Variants in SARDH observed in about 807,000 individuals in gnomAD.
SARDH encodes sarcosine dehydrogenase, mitochondrial.
In SARDH, 95 loss-of-function variants were observed where a neutral mutation model predicts 109.1. That is an observed-to-expected ratio of 0.87 (90% CI 0.74 to 1.03). SARDH has a LOEUF of 1.03. Ranked by LOEUF, SARDH falls within the 50% of genes least tolerant of loss-of-function variation. The pLI is 0.00. For synonymous variants in SARDH, 572 were observed against 534.8 expected (o/e 1.07, Z -0.96); for missense variants, 1,267 against 1,287.8 (o/e 0.98, Z 0.25).
downstream of SARDH, among the ~76,000 whole-genome samples, chr9:133,660,251 C>T (rs577153884): frequency 2.0e-5 from 3 of 152,204 alleles, no homozygotes; most frequent in South Asian, 2.1e-4. Flanking sequence ...GTGGCAATCT[C>T]GTGAAGCCAT....
At chr9:133,664,406 G>A (rs1400335464) in intron 20 of SARDH, among the ~76,000 whole-genome samples, 1 of 152,238 alleles carries the variant, frequency 6.6e-6, no homozygotes, top group Non-Finnish European at 1.5e-5. Context: ...AATCCCTCGG[G>A]GCAGGGGCGG....
In SARDH at chr9:133,709,032, A is replaced by G. The variant is rs1831813299; in HGVS notation, c.1329-604T>C. Among the ~76,000 whole-genome samples, 3 of 152,178 alleles carry G rather than the reference A, an allele frequency of 2.0e-5. No homozygotes were observed. Among genetic ancestry groups the G allele is most frequent in the Admixed American group, 1.3e-4 (2 of 15,282 alleles). ...GTCTGTGGGTCAGACCAGGGACCCA[A>G]GAGGTACAGAGTCTCTGGGGGAAAA... On this transcript the variant is annotated intron_variant, in intron 10 of 20. Coordinates refer to ENST00000439388, the MANE Select transcript of SARDH (RefSeq NM_001134707.2). This position sits in a 1 kb window ranked among gnomAD's most constrained non-coding sequence, Gnocchi z 4.2.
At chr9:133,665,817 G>C (rs898750653) in intron 20 of SARDH, among the ~76,000 whole-genome samples, 4 of 152,276 alleles carry the variant, frequency 2.6e-5, no homozygotes, top group Admixed American at 1.3e-4. Context: ...CCAAGTGCTC[G>C]CTCCCTCCCC....
chr9:133,676,545 G>A (rs1166122262), intron 17 of SARDH, among the ~76,000 whole-genome samples: 2 of 152,164 alleles, frequency 1.3e-5, no homozygotes, highest in Admixed American at 6.5e-5. Context: ...CTAAGTGACC[G>A]GCACTTTCTC....
intron 17 of SARDH, among the ~76,000 whole-genome samples, chr9:133,673,019 C>A (rs1830401043): frequency 6.6e-6 from 1 of 152,220 alleles, no homozygotes; most frequent in African/African-American, 2.4e-5. Flanking sequence ...ACGGTGGGAA[C>A]ACGGTCAGTA....
chr9:133,706,429 A>G lies in SARDH; in HGVS notation c.1471-1398T>C, dbSNP rs144218228. Among the ~76,000 whole-genome samples, 1,460 of 152,288 alleles carry G rather than the reference A, an allele frequency of 9.6e-3. 23 individuals carry two copies. The highest frequency in any genetic ancestry group is 0.033 in the African/African-American group (1,358 of 41,538). On this transcript the variant is annotated intron_variant, in intron 11 of 20. Coordinates refer to ENST00000439388, the MANE Select transcript of SARDH (RefSeq NM_001134707.2). ...AAATCCATAGAGACCGAAACAGCTT[A>G]GTGGTTGCCAAGGCTGGTGGGAGGA...
chr9:133,678,937 G>A (rs1391805965), intron 17 of SARDH, among the ~76,000 whole-genome samples: 2 of 152,168 alleles, frequency 1.3e-5, no homozygotes, highest in Non-Finnish European at 2.9e-5. Context: ...CCTTACAAGG[G>A]CAAGATGAGA....
chr9:133,729,353 A>G (rs1181122224), intron 6 of SARDH, among the ~76,000 whole-genome samples: 1 of 152,048 alleles, frequency 6.6e-6, no homozygotes, highest in Non-Finnish European at 1.5e-5. Context: ...GCTCTCAGGG[A>G]GGTTATTCAT....
intron 6 of SARDH, among the ~76,000 whole-genome samples, chr9:133,726,395 T>TAATAATAATAATAATAATAATAATAAC: frequency 1.9e-5 from 1 of 53,138 alleles, no homozygotes; most frequent in Middle Eastern, 0.011. Context: ...ATAATAATAA[T>TAATAATAATAATAATAATAATAATAAC]AGTAGTAGTA....
chr9:133,713,083 G>A lies in SARDH; in HGVS notation c.1192C>T (p.Pro398Ser), dbSNP rs1157385070. The A allele has an allele frequency of 3.1e-6, 5 of 1,613,324 alleles. No individual in the cohort carries two copies. In the African/African-American group the frequency reaches 5.3e-5, roughly 17 times the overall value. ...PDHKPLMGEAPELRGFFLGCG... is the reference protein window; with the variant it reads ...PDHKPLMGEASELRGFFLGCG... Reference sequence around the variant, plus strand: ...CCCAGGAAGAACCCTCGGAGCTCAGGTGCCTCCCCCATCAGGGGCTTGTGG... The same window carrying A: ...CCCAGGAAGAACCCTCGGAGCTCAGATGCCTCCCCCATCAGGGGCTTGTGG... Residue 398 changes from proline (P) to serine (S), a missense_variant, in exon 9 of 21, where the codon CCT becomes TCT. Physicochemically the swap from Pro to Ser is moderately conservative, Grantham distance 74 (BLOSUM62 -1). Transcript: ENST00000439388.
At chr9:133,717,606 G>C (rs547633523) in intron 7 of SARDH, 151 bp from the exon 8 acceptor site, 6 of 1,194,188 alleles carry the variant, frequency 5.0e-6, no homozygotes, top group Admixed American at 4.8e-5. Context: ...CCAGCCGTTT[G>C]TCTCCCCCAC....
chr9:133,694,468 G>A, intron 14 of SARDH, 97 bp from the exon 15 acceptor site: 1 of 1,001,532 alleles, frequency 1.0e-6, no homozygotes, highest in Non-Finnish European at 1.5e-6. Flanking sequence ...GCAGCTCCTT[G>A]TCACGGAGGC....
intron 13 of SARDH, among the ~76,000 whole-genome samples, chr9:133,701,612 T>A (rs551953566): frequency 6.6e-6 from 1 of 152,130 alleles, no homozygotes; most frequent in Non-Finnish European, 1.5e-5. Context: ...AGGGCCAGAG[T>A]CCCACAGGCT....
At chr9:133,713,614 A>C (rs940258232) in intron 8 of SARDH, among the ~76,000 whole-genome samples, 3 of 152,250 alleles carry the variant, frequency 2.0e-5, no homozygotes, top group African/African-American at 7.2e-5. Flanking sequence ...CTGTTGAGCC[A>C]ACAAAGGCTC....
chr9:133,672,871 G>A (rs1233395096), intron 17 of SARDH, among the ~76,000 whole-genome samples: 1 of 152,256 alleles, frequency 6.6e-6, no homozygotes, highest in African/African-American at 2.4e-5. Flanking sequence ...GACATGGTGG[G>A]AGGCAGGAGA....
rs1832613311 is a variant in SARDH at position 133,729,830 on chromosome 9, C to G, written c.850G>C (p.Val284Leu). The change falls in exon 6 of 21, where the codon GTC becomes CTC. Residue 284 changes from valine (V) to leucine (L), a missense_variant. Coordinates refer to ENST00000439388, the MANE Select transcript of SARDH (RefSeq NM_001134707.2). The part of the protein sequence containing the change: ...WASAVGRMAG[V>L]KVPLVAMHHA... Reference sequence around the variant, plus strand: ...TGCATGGCCACCAGCGGGACCTTGACTCCAGCCATCCGGCCCACAGCACTT... The same window carrying G: ...TGCATGGCCACCAGCGGGACCTTGAGTCCAGCCATCCGGCCCACAGCACTT... 6.2e-7 allele frequency: 1 copy of G among 1,612,438 alleles called. No homozygotes were observed.
At chr9:133,685,846 CAG>C (rs956934217) in intron 16 of SARDH, among the ~76,000 whole-genome samples, 7 of 152,196 alleles carry the variant, frequency 4.6e-5, no homozygotes, top group Non-Finnish European at 7.3e-5. Context: ...CAGCCCACTG[CAG>C]AAAGTGCTCT....
In SARDH at chr9:133,712,089, G is replaced by A. The variant is rs566291562; in HGVS notation, c.1328+530C>T. ...CGTTTCCATGTGCAGACCCCATGCTGGGTGCCTCACCAGTACAAATGCCCT... is the reference window on the plus strand; with the variant it reads ...CGTTTCCATGTGCAGACCCCATGCTAGGTGCCTCACCAGTACAAATGCCCT... On this transcript the variant is annotated intron_variant, in intron 10 of 20. Transcript: ENST00000439388. This position sits in a 1 kb window ranked among gnomAD's most constrained non-coding sequence, Gnocchi z 4.1. Among the ~76,000 whole-genome samples the A allele has an allele frequency of 2.0e-5, 3 of 152,318 alleles. No homozygotes were observed. Among genetic ancestry groups the A allele is most frequent in the African/African-American group, 4.8e-5 (2 of 41,578 alleles).
In SARDH at chr9:133,712,093, G is replaced by A. The variant is rs1402734033; in HGVS notation, c.1328+526C>T. ...TCCATGTGCAGACCCCATGCTGGGT[G>A]CCTCACCAGTACAAATGCCCTCCCT... On this transcript the variant is annotated intron_variant, in intron 10 of 20. Transcript: ENST00000439388. The surrounding 1 kb of genome is among the most constrained non-coding windows in gnomAD (Gnocchi z 4.1). Among the ~76,000 whole-genome samples the A allele has an allele frequency of 2.0e-5, 3 of 152,164 alleles. No individual in the cohort carries two copies. The highest frequency in any genetic ancestry group is 4.8e-5 in the African/African-American group (2 of 41,442).
Sources: gnomAD v4.1 joint callset for allele counts (sites outside exome capture counted in the v4.1 genomes callset) on GRCh38, gnomAD v4.1.1 for gene constraint, Gnocchi (gnomAD v3.1) non-coding constraint, MANE v1.5 for transcripts, NCBI Gene and HGNC (gene_info 2026-07-23, HGNC 2026-07-21) for gene names.